GALNT18: variants seen among roughly 807,000 people sequenced by gnomAD.
GALNT18 encodes polypeptide N-acetylgalactosaminyltransferase 18.
In GALNT18, 44 loss-of-function variants were observed where a neutral mutation model predicts 69.5. The observed-to-expected ratio is 0.63, with a 90% CI of 0.50 to 0.81. The LOEUF is 0.81. GALNT18 is among the 40% of genes least tolerant of loss of function. The pLI is 0.00. For missense variants in GALNT18, 715 were observed against 810.0 expected, an observed-to-expected ratio of 0.88 and a Z score of 1.42; for synonymous variants, 364 against 318.2, an observed-to-expected ratio of 1.14 and a Z score of -1.53.
chr11:11,385,899 T>G (rs1403453800), intron 3 of GALNT18, among the ~76,000 whole-genome samples: 1 of 152,034 alleles, frequency 6.6e-6, no homozygotes, highest in African/African-American at 2.4e-5. Flanking sequence ...CCAGTATGAC[T>G]GGTATTCTTA....
At chr11:11,507,865 A>G (rs945353678) in intron 1 of GALNT18, among the ~76,000 whole-genome samples, 1 of 152,234 alleles carries the variant, frequency 6.6e-6, no homozygotes. Flanking sequence ...GAACCTGGAA[A>G]GACTACACTG....
chr11:11,515,783 G>T (rs376346261), intron 1 of GALNT18, among the ~76,000 whole-genome samples: 3 of 152,240 alleles, frequency 2.0e-5, no homozygotes, highest in African/African-American at 7.2e-5. Context: ...GGAGCAGGAA[G>T]AGCAAATGCA....
In GALNT18 at chr11:11,388,039, T is replaced by G. The variant is rs12274197; in HGVS notation, c.596-8775A>C. Among the ~76,000 whole-genome samples, 612 of 152,306 alleles carry G rather than the reference T, an allele frequency of 4.0e-3. 2 individuals are homozygous for G. The highest frequency in any genetic ancestry group is 6.5e-3 in the Non-Finnish European group (445 of 68,014). On this transcript the variant is annotated intron_variant, in intron 3 of 10. Coordinates refer to ENST00000227756, the MANE Select transcript of GALNT18 (RefSeq NM_198516.3). ...AAAGTCGATTGATACTAAAGGAGATTTGGAATGGCCTTAAATAGTTCCCTT... is the reference window on the plus strand; with the variant it reads ...AAAGTCGATTGATACTAAAGGAGATGTGGAATGGCCTTAAATAGTTCCCTT...
chr11:11,461,468 T>C lies in GALNT18; in HGVS notation c.236-12532A>G, dbSNP rs1489187338. ...TGTATCTTAGGAATCAGAATTTATA[T>C]GTGCCATTACTTGCTACTTTAAAGC... On this transcript the variant is annotated intron_variant, in intron 1 of 10. Coordinates refer to ENST00000227756, the MANE Select transcript of GALNT18 (RefSeq NM_198516.3). The surrounding 1 kb of genome is among the most constrained non-coding windows in gnomAD (Gnocchi z 4.1). 6.6e-6 allele frequency among the ~76,000 whole-genome samples: 1 copy of C among 152,240 alleles called. No individual in the cohort carries two copies. Among genetic ancestry groups the C allele is most frequent in the African/African-American group, 2.4e-5 (1 of 41,472 alleles).
At chr11:11,457,920 T>C (rs1855959460) in intron 1 of GALNT18, among the ~76,000 whole-genome samples, 1 of 152,204 alleles carries the variant, frequency 6.6e-6, no homozygotes, top group Admixed American at 6.5e-5. Context: ...GCTCTGGTTG[T>C]TTGGTGATAA....
intron 9 of GALNT18, among the ~76,000 whole-genome samples, chr11:11,306,717 T>G (rs12421017): frequency 0.13 from 19,675 of 152,240 alleles, 1,692 homozygotes; most frequent in Admixed American, 0.21. Context: ...TAATACAAAG[T>G]GAACATGATG....
At chr11:11,579,263 G>A (rs1859011844) in intron 1 of GALNT18, among the ~76,000 whole-genome samples, 1 of 152,202 alleles carries the variant, frequency 6.6e-6, no homozygotes, top group Admixed American at 6.5e-5. Flanking sequence ...ACCCTGGTCT[G>A]CTGGATCTAG....
At chr11:11,403,889 T>C (rs1388202875) in intron 3 of GALNT18, among the ~76,000 whole-genome samples, 1 of 152,218 alleles carries the variant, frequency 6.6e-6, no homozygotes, top group Non-Finnish European at 1.5e-5. Flanking sequence ...TTCAGTTTAA[T>C]TGCTGTGGAT....
intron 1 of GALNT18, among the ~76,000 whole-genome samples, chr11:11,594,842 C>T (rs7937591): frequency 0.48 from 54,572 of 113,898 alleles, 12,039 homozygotes; most frequent in East Asian, 0.7. Flanking sequence ...TATATATATA[C>T]ACATATACAT....
At chr11:11,353,445 C>T (rs191384102) in intron 6 of GALNT18, 1 of 452,832 alleles carries the variant, frequency 2.2e-6, no homozygotes, top group East Asian at 4.1e-5. Context: ...TGCTGTGAGG[C>T]ACCGTCTCCT....
chr11:11,424,307 T>C (rs1267113117), intron 3 of GALNT18, among the ~76,000 whole-genome samples: 1 of 152,138 alleles, frequency 6.6e-6, no homozygotes, highest in East Asian at 1.9e-4. Flanking sequence ...GGTGCCCAAG[T>C]TGATGCCTCC....
Position 11,584,968 on chromosome 11 carries a change from AGCTTGACG to A in GALNT18, c.235+36383_235+36390del, listed in dbSNP as rs541179810. On this transcript the variant is annotated intron_variant, in intron 1 of 10. Transcript: ENST00000227756. This position sits in a 1 kb window ranked among gnomAD's most constrained non-coding sequence, Gnocchi z 4.1. ...TGGAAAACTTGCCTCCACCACTATG[AGCTTGACG>A]GCTTCCCAACACCTAAAGACTTCTG... Among the ~76,000 whole-genome samples the A allele has an allele frequency of 2.6e-5, 4 of 152,292 alleles. No individual in the cohort carries two copies. In the South Asian group the frequency reaches 8.3e-4, roughly 32 times the overall value.
Position 11,592,174 on chromosome 11 carries a change from C to A in GALNT18, c.235+29185G>T, listed in dbSNP as rs1021704957. The stretch of plus-strand genomic sequence containing the variant: ...TTAAGGAGATTCCTATTTCTCTAAG[C>A]AAGTCCCTAGAAACATCATCAATCT... On this transcript the variant is annotated intron_variant, in intron 1 of 10. Transcript: ENST00000227756. The surrounding 1 kb of genome is among the most constrained non-coding windows in gnomAD (Gnocchi z 5.9). 6.6e-6 allele frequency among the ~76,000 whole-genome samples: 1 copy of A among 152,156 alleles called. No individual in the cohort carries two copies. The highest frequency in any genetic ancestry group is 1.5e-5 in the Non-Finnish European group (1 of 68,032).
chr11:11,544,144 C>T (rs1368094556), intron 1 of GALNT18, among the ~76,000 whole-genome samples: 4 of 152,150 alleles, frequency 2.6e-5, no homozygotes, highest in African/African-American at 7.2e-5. Context: ...AGATCTGGTC[C>T]CCTTTGTTCA....
At position 11,352,277 on chromosome 11, in the gene GALNT18, C is replaced by G. The variant is rs748686482; in HGVS notation, c.1093-11273G>C. 20 of 1,614,042 alleles carry G rather than the reference C, an allele frequency of 1.2e-5. No homozygotes were observed. In the South Asian group the frequency reaches 2.2e-4, roughly 18 times the overall value. On this transcript the variant is annotated intron_variant, in intron 6 of 10. Coordinates refer to ENST00000227756, the MANE Select transcript of GALNT18 (RefSeq NM_198516.3). ...GATTTTCACTGTGGACAAAGCGTTCCCATCGCTTTCGAGAGTGTCTGCCCA... is the reference window on the plus strand; with the variant it reads ...GATTTTCACTGTGGACAAAGCGTTCGCATCGCTTTCGAGAGTGTCTGCCCA...
At chr11:11,284,904 T>C (rs1450802107) in intron 10 of GALNT18, among the ~76,000 whole-genome samples, 5 of 122,070 alleles carry the variant, frequency 4.1e-5, no homozygotes, top group Non-Finnish European at 8.3e-5. Flanking sequence ...GTAAAGACTT[T>C]CGTGTTTTTT....
chr11:11,426,078 G>C (rs74344524), intron 3 of GALNT18, among the ~76,000 whole-genome samples: 1 of 152,148 alleles, frequency 6.6e-6, no homozygotes. Flanking sequence ...CATGGCCTTC[G>C]AGCTGCAGAG....
At chr11:11,425,707 T>A (rs1855113453) in intron 3 of GALNT18, among the ~76,000 whole-genome samples, 1 of 152,116 alleles carries the variant, frequency 6.6e-6, no homozygotes, top group Non-Finnish European at 1.5e-5. Flanking sequence ...CTGAAAGAGT[T>A]CACGTTCACT....
chr11:11,514,891 A>G (rs111810489), intron 1 of GALNT18, among the ~76,000 whole-genome samples: 2,305 of 152,270 alleles, frequency 0.015, 32 homozygotes, highest in Middle Eastern at 0.034. Flanking sequence ...TGCTCATGGG[A>G]GGATGAAGGA....
Sources: gnomAD v4.1 joint callset for allele counts (sites outside exome capture counted in the v4.1 genomes callset) on GRCh38, gnomAD v4.1.1 for gene constraint, Gnocchi (gnomAD v3.1) non-coding constraint, MANE v1.5 for transcripts, NCBI Gene and HGNC (gene_info 2026-07-23, HGNC 2026-07-21) for gene names.